FGF12: variants seen among roughly 807,000 people sequenced by gnomAD.
FGF12 encodes fibroblast growth factor 12, also known as fibroblast growth factor 12B.
In FGF12, 14 loss-of-function variants were observed where a neutral mutation model predicts 23.6. The ratio of observed to expected loss-of-function variants is 0.59; its 90% confidence interval spans 0.39 to 0.93. The LOEUF is 0.93. Among genes scored for constraint, FGF12 ranks in the 40% least tolerant of loss-of-function variants. The pLI, the probability that FGF12 is intolerant of heterozygous loss-of-function variation, is 0.00. For synonymous variants in FGF12, 62 were observed against 77.3 expected (o/e 0.80, Z 1.04); for missense variants, 175 against 217.8 (o/e 0.80, Z 1.24).
At chr3:192,261,225 T>C (rs1474946722) in intron 4 of FGF12, among the ~76,000 whole-genome samples, 1 of 152,176 alleles carries the variant, frequency 6.6e-6, no homozygotes, top group Non-Finnish European at 1.5e-5. Context: ...GGCTTTTATA[T>C]TGGCCTGGTC....
At chr3:192,548,777 A>G (rs962058312) in intron 2 of FGF12, among the ~76,000 whole-genome samples, 5 of 152,120 alleles carry the variant, frequency 3.3e-5, no homozygotes, top group African/African-American at 1.2e-4. Flanking sequence ...ATTTACTGAT[A>G]TTTTTATTCA....
intron 2 of FGF12, among the ~76,000 whole-genome samples, chr3:192,586,159 G>T (rs1713365683): frequency 6.6e-6 from 1 of 152,114 alleles, no homozygotes; most frequent in African/African-American, 2.4e-5. Flanking sequence ...TGATTTTTCA[G>T]GGGGGTGGGG....
At chr3:192,539,663 TATG>T (rs1725316943) in intron 2 of FGF12, among the ~76,000 whole-genome samples, 1 of 152,186 alleles carries the variant, frequency 6.6e-6, no homozygotes, top group Non-Finnish European at 1.5e-5. Flanking sequence ...ACTGGCCTCA[TATG>T]ATAAGTTTGG....
chr3:192,651,131 C>T (rs1716200897), intron 2 of FGF12, among the ~76,000 whole-genome samples: 1 of 152,176 alleles, frequency 6.6e-6, no homozygotes, highest in Non-Finnish European at 1.5e-5. Flanking sequence ...TTCCAAAACA[C>T]ACAAAACATT....
At chr3:192,423,746 T>G (rs1199750488) in intron 2 of FGF12, among the ~76,000 whole-genome samples, 1 of 152,150 alleles carries the variant, frequency 6.6e-6, no homozygotes, top group African/African-American at 2.4e-5. Flanking sequence ...GTTTCTCTGG[T>G]ATAAGGTTTA....
rs1202841763 is a variant in FGF12, at chr3:192,140,650, T to A, written c.*3359A>T. 6.6e-6 allele frequency: 1 copy of A among 152,036 alleles called. No individual in the cohort carries two copies. Among genetic ancestry groups the A allele is most frequent in the Non-Finnish European group, 1.5e-5 (1 of 67,886 alleles). The allele number at this position is 152,036 out of a possible 1,614,324, so 9.4% of individuals were successfully genotyped here. ...AATCTAGATATTAGATTGTTGCTAT[T>A]TTATTAAACAGAAGAGTCTTAGTTC... On this transcript the variant is annotated 3_prime_UTR_variant, in exon 6 of 6. Coordinates refer to ENST00000445105, the MANE Select transcript of FGF12 (RefSeq NM_004113.6).
intron 4 of FGF12, among the ~76,000 whole-genome samples, chr3:192,184,157 C>G (rs904851733): frequency 2.0e-5 from 3 of 152,026 alleles, no homozygotes; most frequent in African/African-American, 7.2e-5. Flanking sequence ...CTGGGAGGCA[C>G]GGGTTACAGT....
At chr3:192,645,767 T>TAAAAAAA (rs55809400) in intron 2 of FGF12, among the ~76,000 whole-genome samples, 4 of 71,064 alleles carry the variant, frequency 5.6e-5, no homozygotes, top group Non-Finnish European at 8.0e-5. Flanking sequence ...ACAAAACAGG[T>TAAAAAAA]AAAAAAAAAA....
chr3:192,310,320 T>C (rs1248423091), intron 4 of FGF12, among the ~76,000 whole-genome samples: 2 of 152,202 alleles, frequency 1.3e-5, no homozygotes, highest in Non-Finnish European at 2.9e-5. Flanking sequence ...GATCATTAAG[T>C]GATTTATCAT....
chr3:192,392,212 A>G (rs558154657), intron 2 of FGF12, among the ~76,000 whole-genome samples: 3 of 152,272 alleles, frequency 2.0e-5, no homozygotes, highest in African/African-American at 7.2e-5. Flanking sequence ...TTGGGGAAAC[A>G]TCATTTTATA....
intron 2 of FGF12, among the ~76,000 whole-genome samples, chr3:192,628,090 G>A (rs1166835059): frequency 2.6e-5 from 4 of 151,912 alleles, no homozygotes; most frequent in Admixed American, 6.6e-5. Context: ...TTACATGAAC[G>A]TGATTATACA....
intron 2 of FGF12, among the ~76,000 whole-genome samples, chr3:192,714,363 C>G (rs534601523): frequency 2.0e-5 from 3 of 152,176 alleles, no homozygotes; most frequent in African/African-American, 7.2e-5. Context: ...TGGAGACAAA[C>G]ATATTTCTGA....
At chr3:192,608,059 G>A (rs80221640) in intron 2 of FGF12, among the ~76,000 whole-genome samples, 2,417 of 152,054 alleles carry the variant, frequency 0.016, 43 homozygotes, top group South Asian at 0.063. Flanking sequence ...GACAAACTTC[G>A]CATGCTCTCG....
intron 4 of FGF12, among the ~76,000 whole-genome samples, chr3:192,199,808 C>CGCCA (rs1717265742): frequency 1.3e-5 from 2 of 152,142 alleles, no homozygotes; most frequent in South Asian, 4.1e-4. Flanking sequence ...TTGTATCATA[C>CGCCA]GCCACTCTTA....
At chr3:192,283,276 C>T (rs1714259104) in intron 4 of FGF12, among the ~76,000 whole-genome samples, 1 of 152,012 alleles carries the variant, frequency 6.6e-6, no homozygotes, top group African/African-American at 2.4e-5. Flanking sequence ...ATAGTAATAA[C>T]AGTATGAAAA....
chr3:192,157,513 A>C (rs62295826), intron 5 of FGF12, among the ~76,000 whole-genome samples: 16,544 of 152,178 alleles, frequency 0.11, 1,088 homozygotes, highest in Middle Eastern at 0.2. Flanking sequence ...TTTCCAGGGC[A>C]AGCTTTCTAT....
chr3:192,536,208 A>G (rs1044698574), intron 2 of FGF12, among the ~76,000 whole-genome samples: 1 of 152,194 alleles, frequency 6.6e-6, no homozygotes, highest in African/African-American at 2.4e-5. Context: ...TGTGTTGTCT[A>G]TGACTGTTTC....
chr3:192,632,932 A>G (rs1715443110), intron 2 of FGF12, among the ~76,000 whole-genome samples: 1 of 152,012 alleles, frequency 6.6e-6, no homozygotes, highest in African/African-American at 2.4e-5. Context: ...CGGTGGTTGC[A>G]GGCAATACTT....
chr3:192,547,331 G>A (rs1293517726), intron 2 of FGF12, among the ~76,000 whole-genome samples: 1 of 152,110 alleles, frequency 6.6e-6, no homozygotes, highest in Non-Finnish European at 1.5e-5. Context: ...CTATGAATTA[G>A]TCTTTTTCAG....
Sources: gnomAD v4.1 joint callset for allele counts (sites outside exome capture counted in the v4.1 genomes callset) on GRCh38, gnomAD v4.1.1 for gene constraint, MANE v1.5 for transcripts, NCBI Gene and HGNC (gene_info 2026-07-23, HGNC 2026-07-21) for gene names.